Variants in TAF15 observed in about 807,000 individuals in gnomAD.
TAF15 encodes the protein TATA-box binding protein associated factor 15.
Under a neutral mutation model 102.5 loss-of-function variants are expected in TAF15, and 37 were observed. The ratio of observed to expected loss-of-function variants is 0.36; its 90% CI spans 0.28 to 0.47. TAF15 has a LOEUF of 0.47. TAF15 is among the 20% of genes least tolerant of loss of function. TAF15 has a pLI of 0.99. For synonymous variants in TAF15, 273 were observed against 259.2 expected, an observed-to-expected ratio of 1.05 and a Z score of -0.51; for missense variants, 652 against 760.7, an observed-to-expected ratio of 0.86 and a Z score of 1.68.
At chr17:35,833,320 T>C (rs1421996817) in intron 7 of TAF15, among the ~76,000 whole-genome samples, 3 of 152,196 alleles carry the variant, frequency 2.0e-5, no homozygotes, top group Non-Finnish European at 4.4e-5. Context: ...TAAGTGATGC[T>C]CTTTTAGTCT....
chr17:35,822,915 G>T (rs2087281216), intron 6 of TAF15, 82 bp downstream of exon 6: 1 of 1,534,224 alleles, frequency 6.5e-7, no homozygotes, highest in Admixed American at 1.7e-5. Context: ...AACCACAGAG[G>T]ATTTCACCTG....
rs766057799 is a variant in TAF15, at chr17:35,844,599, G to A, written c.1300G>A (p.Gly434Ser). 15 of 1,599,590 alleles carry A rather than the reference G, an allele frequency of 9.4e-6. No individual in the cohort carries two copies. The highest frequency in any genetic ancestry group is 3.4e-5 in the South Asian group (3 of 88,858). Reference sequence around the variant, plus strand: ...TGGCTATGGTGGAGACAGAAGCAGCGGTGGTGGCTACAGCGGAGATAGAAG... The same window carrying A: ...TGGCTATGGTGGAGACAGAAGCAGCAGTGGTGGCTACAGCGGAGATAGAAG... ...GGGYGGDRSS[G>S]GGYSGDRSGG... The change falls in exon 15 of 16, where the codon GGT becomes AGT. Residue 434 changes from glycine to serine, a missense_variant. Physicochemically the swap from Gly to Ser is moderately conservative, Grantham distance 56 (BLOSUM62 0). This residue lies in a region of TAF15 where 368 missense variants were observed against 367.5 expected (regional missense o/e 1.00). Transcript: ENST00000605844.
intron 1 of TAF15, among the ~76,000 whole-genome samples, chr17:35,814,226 C>T (rs1275315936): frequency 2.6e-5 from 4 of 151,522 alleles, no homozygotes; most frequent in African/African-American, 4.9e-5. Context: ...AGTGCAGTGG[C>T]GCAATCTCGG....
chr17:35,826,641 T>TCCA (rs2087332257), intron 7 of TAF15, among the ~76,000 whole-genome samples: 1 of 149,340 alleles, frequency 6.7e-6, no homozygotes. Context: ...TACTGCAACC[T>TCCA]CCACCTCCCA....
intron 1 of TAF15, 152 bp downstream of exon 1, chr17:35,809,728 A>C (rs2087102299): frequency 9.7e-7 from 1 of 1,026,906 alleles, no homozygotes; most frequent in African/African-American, 1.6e-5. Flanking sequence ...GCCATGTTGA[A>C]CTGGAGGCAC....
Position 35,833,917 on chromosome 17 carries a change from C to G in TAF15, c.616C>G (p.Arg206Gly). 1 of 1,613,740 alleles carries G rather than the reference C, an allele frequency of 6.2e-7. No individual in the cohort carries two copies. The highest frequency in any genetic ancestry group is 8.5e-7 in the Non-Finnish European group (1 of 1,179,924). Residue 206 changes from arginine (R) to glycine (G), a missense_variant, in exon 8 of 16, where the codon CGC becomes GGC. Physicochemically the swap from Arg to Gly is moderately radical, Grantham distance 125 (BLOSUM62 -2). Coordinates refer to ENST00000605844, the MANE Select transcript of TAF15 (RefSeq NM_139215.3). ...GPMTGSSGGDRGGFKNFGGHR... is the reference protein window; with the variant it reads ...GPMTGSSGGDGGGFKNFGGHR... Reference sequence around the variant, plus strand: ...ATTTTTCCTCTGCAGTGGTGGTGACCGCGGTGGCTTCAAAAATTTTGGTGG... The same window carrying G: ...ATTTTTCCTCTGCAGTGGTGGTGACGGCGGTGGCTTCAAAAATTTTGGTGG...
chr17:35,831,030 T>A (rs543869718), intron 7 of TAF15, among the ~76,000 whole-genome samples: 44 of 152,302 alleles, frequency 2.9e-4, no homozygotes, highest in African/African-American at 8.9e-4. Context: ...CTTTTTCCAG[T>A]GTACTATGGT....
intron 12 of TAF15, among the ~76,000 whole-genome samples, chr17:35,843,457 G>T (rs2087572274): frequency 1.3e-5 from 2 of 152,098 alleles, no homozygotes. Flanking sequence ...TCATATTCTT[G>T]TCTTTTTTCT....
chr17:35,836,011 T>G (rs537222265), intron 9 of TAF15, 121 bp from the exon 10 acceptor site: 1 of 698,902 alleles, frequency 1.4e-6, no homozygotes, highest in Admixed American at 2.3e-5. Flanking sequence ...CTTATATTGG[T>G]CCTTTCCTTT....
chr17:35,826,558 A>AT (rs551894376), intron 7 of TAF15, among the ~76,000 whole-genome samples: 7,591 of 136,778 alleles, frequency 0.055, 294 homozygotes, highest in Non-Finnish European at 0.082. Context: ...AGTTCATATA[A>AT]TTTTTTTTTT....
chr17:35,840,706 A>C (rs1325230179), intron 11 of TAF15, among the ~76,000 whole-genome samples: 1 of 151,998 alleles, frequency 6.6e-6, no homozygotes, highest in Non-Finnish European at 1.5e-5. Context: ...TCTACTAAAA[A>C]TACAAAAATC....
chr17:35,844,487 G>C lies in TAF15; in HGVS notation c.1188G>C (p.Gly396=), dbSNP rs748240842. The change falls in exon 15 of 16, where the codon GGG becomes GGC. Residue 396 remains glycine (G), a synonymous_variant. Transcript: ENST00000605844. ...DSRPSGGDFR[G]RGYGGERGYR... is the part of the protein sequence containing the mutation. ...ATTTCTACCTTGCAGATTTCCGGGG[G>C]AGAGGCTACGGTGGAGAGAGGGGCT... The C allele has an allele frequency of 3.1e-6, 5 of 1,613,562 alleles. No homozygotes were observed. Among genetic ancestry groups the C allele is most frequent in the Admixed American group, 1.7e-5 (1 of 60,000 alleles).
intron 7 of TAF15, among the ~76,000 whole-genome samples, chr17:35,827,210 C>T (rs1005812671): frequency 2.6e-5 from 4 of 151,826 alleles, no homozygotes; most frequent in African/African-American, 4.8e-5. Flanking sequence ...GTGGCGGGCT[C>T]CTGTAGTCCC....
Position 35,834,055 on chromosome 17 carries a change from G to C in TAF15, c.640+114G>C. ...TTTCTTACTCTGTTGAGGCTGGTGT[G>C]TGTTGTGTGCTTTAAAAAAAATTTT... On this transcript the variant is annotated intron_variant, in intron 8 of 15. Coordinates refer to ENST00000605844, the MANE Select transcript of TAF15 (RefSeq NM_139215.3). 3 of 1,029,136 alleles carry C rather than the reference G, an allele frequency of 2.9e-6. No individual in the cohort carries two copies. The South Asian group carries it at 4.6e-5, about 16-fold the overall frequency. 63.8% of individuals were successfully genotyped at this position (1,029,136 alleles called of 1,614,324 possible).
chr17:35,829,776 C>CAA (rs2087380015), intron 7 of TAF15, among the ~76,000 whole-genome samples: 1 of 152,068 alleles, frequency 6.6e-6, no homozygotes, highest in East Asian at 1.9e-4. Context: ...AAACAACCCT[C>CAA]AGAGTATGCC....
At chr17:35,846,538 T>G (rs1042325257) in intron 15 of TAF15, among the ~76,000 whole-genome samples, 1 of 152,224 alleles carries the variant, frequency 6.6e-6, no homozygotes, top group Non-Finnish European at 1.5e-5. Context: ...TTTTCCAAGG[T>G]CACATAGTAA....
chr17:35,822,915 G>A, intron 6 of TAF15, 82 bp downstream of exon 6: 3 of 1,534,342 alleles, frequency 2.0e-6, no homozygotes, highest in Admixed American at 3.4e-5. Flanking sequence ...AACCACAGAG[G>A]ATTTCACCTG....
In TAF15 at chr17:35,813,321, A is replaced by G. The variant is rs558158770; in HGVS notation, c.7+3745A>G. Among the ~76,000 whole-genome samples, 12 of 152,028 alleles carry G rather than the reference A, an allele frequency of 7.9e-5. 1 individual carries two copies. Among genetic ancestry groups the G allele is most frequent in the South Asian group, 6.2e-4 (3 of 4,822 alleles). On this transcript the variant is annotated intron_variant, in intron 1 of 15. Coordinates refer to ENST00000605844, the MANE Select transcript of TAF15 (RefSeq NM_139215.3). The stretch of plus-strand genomic sequence containing the variant: ...GGTAGATGTGATCTTCCAGCATTCA[A>G]TTCAGGGGGATAAGATATGAAAATG...
chr17:35,840,559 T>C (rs926700755), intron 11 of TAF15, among the ~76,000 whole-genome samples: 1 of 150,826 alleles, frequency 6.6e-6, no homozygotes, highest in Non-Finnish European at 1.5e-5. Context: ...GCCAGCTCTT[T>C]TACTTCTTTA....
Sources: allele counts gnomAD v4.1 joint callset (sites outside exome capture counted in the v4.1 genomes callset), GRCh38; gene constraint gnomAD v4.1.1; regional missense constraint gnomAD v4.1.1; transcripts MANE v1.5; gene names NCBI Gene and HGNC (gene_info 2026-07-23, HGNC 2026-07-21).